SUSD5: variants seen among roughly 807,000 people sequenced by gnomAD.
SUSD5 encodes the protein sushi domain containing 5.
Under a neutral mutation model 29.5 loss-of-function variants are expected in SUSD5, and 33 were observed. That is an observed-to-expected ratio of 1.12 (90% CI 0.85 to 1.49). The LOEUF (loss-of-function observed/expected upper bound fraction) is 1.49. SUSD5 is among the 40% of genes most tolerant of loss of function. The probability of loss-of-function intolerance (pLI) is 0.00; values close to 1 mark genes in which losing one functional copy is unlikely to be tolerated. For synonymous variants in SUSD5, 308 were observed against 325.3 expected, an observed-to-expected ratio of 0.95 and a Z score of 0.57; for missense variants, 776 against 800.6, an observed-to-expected ratio of 0.97 and a Z score of 0.37.
chr3:33,214,581 G>A (rs2032391475), intron 1 of SUSD5, among the ~76,000 whole-genome samples: 1 of 152,000 alleles, frequency 6.6e-6, no homozygotes. Flanking sequence ...ATATTACCAG[G>A]CCCCTTTCAC....
At chr3:33,193,298 T>C (rs1249438581) in intron 3 of SUSD5, among the ~76,000 whole-genome samples, 1 of 152,146 alleles carries the variant, frequency 6.6e-6, no homozygotes, top group Non-Finnish European at 1.5e-5. Context: ...GAAGCATGCC[T>C]GGAGACTGGA....
chr3:33,153,625 G>A lies in SUSD5; in HGVS notation c.1007C>T (p.Thr336Ile). The A allele has an allele frequency of 6.2e-7, 1 of 1,613,990 alleles. No homozygotes were observed. The highest frequency in any genetic ancestry group is 8.5e-7 in the Non-Finnish European group (1 of 1,179,900). ...GVKLVPGEPE[T>I]KVIYGNTDGP... ...ATCAGTGTTGCCGTAGATCACCTTGGTTTCAGGTTCACCTGGGACCAATTT... is the reference window on the plus strand; with the variant it reads ...ATCAGTGTTGCCGTAGATCACCTTGATTTCAGGTTCACCTGGGACCAATTT... The change falls in exon 5 of 5, where the codon ACC (threonine) becomes ATC (isoleucine). Residue 336 changes from threonine (T) to isoleucine (I), a missense_variant. By Grantham distance (89) the Thr-to-Ile change is moderately conservative. Coordinates refer to ENST00000309558, the MANE Select transcript of SUSD5 (RefSeq NM_015551.2).
At chr3:33,206,644 C>T (rs2032225720) in intron 3 of SUSD5, among the ~76,000 whole-genome samples, 1 of 152,136 alleles carries the variant, frequency 6.6e-6, no homozygotes, top group African/African-American at 2.4e-5. Flanking sequence ...TTAGGGTTCA[C>T]CATGACTCTT....
chr3:33,152,641 G>A lies in SUSD5; in HGVS notation c.*101C>T. Reference sequence around the variant, plus strand: ...AACAAAGGGCTGAGGAAAAAATGATGAGCCTCAGTCCACCTGCGTCATGCT... The same window carrying A: ...AACAAAGGGCTGAGGAAAAAATGATAAGCCTCAGTCCACCTGCGTCATGCT... On this transcript the variant is annotated 3_prime_UTR_variant, in exon 5 of 5. Coordinates refer to ENST00000309558, the MANE Select transcript of SUSD5 (RefSeq NM_015551.2). The A allele has an allele frequency of 2.3e-6, 3 of 1,284,158 alleles. No homozygotes were observed. The highest frequency in any genetic ancestry group is 3.2e-6 in the Non-Finnish European group (3 of 944,306). 79.5% of individuals were successfully genotyped at this position (1,284,158 alleles called of 1,614,324 possible). A position where few individuals can be genotyped will look rare whatever the true frequency, so the allele number is the denominator to read the frequency against.
At position 33,203,095 on chromosome 3, in the gene SUSD5, T is replaced by C. The variant is rs2032150922; in HGVS notation, c.409+4713A>G. ...GCGGGAACCTCACAGCACAGCCTGT[T>C]CTCCTCTGCTTCTGCCAAGGCGCTG... On this transcript the variant is annotated intron_variant, in intron 3 of 4. Transcript: ENST00000309558. Among the ~76,000 whole-genome samples, 6 of 152,276 alleles carry C rather than the reference T, an allele frequency of 3.9e-5. No individual in the cohort carries two copies. In the South Asian group the frequency reaches 1.2e-3, roughly 32 times the overall value.
At position 33,156,783 on chromosome 3, in the gene SUSD5, G is replaced by C. The variant is rs137929804; in HGVS notation, c.599-2750C>G. On this transcript the variant is annotated intron_variant, in intron 4 of 4. Transcript: ENST00000309558. ...ATTTCTAAAGGCTGTTAGAGAATAA[G>C]ACTCTGTATCTTGCTTATTTAATGA... Among the ~76,000 whole-genome samples the C allele has an allele frequency of 3.5e-4, 54 of 152,298 alleles. No individual in the cohort carries two copies. The East Asian group carries it at 6.2e-3, about 17-fold the overall frequency.
chr3:33,191,287 G>A (rs556110356), intron 3 of SUSD5, among the ~76,000 whole-genome samples: 17 of 152,008 alleles, frequency 1.1e-4, no homozygotes, highest in African/African-American at 2.7e-4. Context: ...CTGCCACCAC[G>A]CCTGGCTAAT....
intron 4 of SUSD5, among the ~76,000 whole-genome samples, chr3:33,159,823 C>A (rs998601315): frequency 6.6e-6 from 1 of 151,978 alleles, no homozygotes; most frequent in African/African-American, 2.4e-5. Context: ...AGCAACCTCA[C>A]GAAAAGGGAA....
At chr3:33,158,517 A>G (rs1271157857) in intron 4 of SUSD5, among the ~76,000 whole-genome samples, 1 of 152,176 alleles carries the variant, frequency 6.6e-6, no homozygotes, top group African/African-American at 2.4e-5. Flanking sequence ...TTCAAGCAGA[A>G]TGGTGACCCC....
chr3:33,172,886 C>T (rs11712501), intron 4 of SUSD5, among the ~76,000 whole-genome samples: 50,838 of 151,886 alleles, frequency 0.33, 8,993 homozygotes, highest in Middle Eastern at 0.41. Context: ...CTAATGACTA[C>T]AAAAAATGTG....
chr3:33,175,900 C>T (rs989751025), intron 3 of SUSD5, among the ~76,000 whole-genome samples: 1 of 152,172 alleles, frequency 6.6e-6, no homozygotes, highest in Non-Finnish European at 1.5e-5. Flanking sequence ...CTCAGTGTTG[C>T]ACATTCTATG....
At chr3:33,214,609 C>T (rs1283559892) in intron 1 of SUSD5, among the ~76,000 whole-genome samples, 9 of 152,078 alleles carry the variant, frequency 5.9e-5, no homozygotes, top group Non-Finnish European at 2.9e-5. Context: ...TCATTTGTGT[C>T]TGCTGTACTT....
At chr3:33,218,649 G>A in intron 1 of SUSD5, 37 bp downstream of exon 1, 1 of 1,223,622 alleles carries the variant, frequency 8.2e-7, no homozygotes, top group East Asian at 3.2e-5. Flanking sequence ...CGGACCCCAC[G>A]CTCCACCCCC....
Position 33,151,116 on chromosome 3 carries a change from A to G in SUSD5, c.*1626T>C, listed in dbSNP as rs1271382319. Reference sequence around the variant, plus strand: ...CCTTTAGGGCTTCAGCTGGCCTCGAAGTTCACATTTGAGATTATTATAAAC... The same window carrying G: ...CCTTTAGGGCTTCAGCTGGCCTCGAGGTTCACATTTGAGATTATTATAAAC... On this transcript the variant is annotated 3_prime_UTR_variant, in exon 5 of 5. Coordinates refer to ENST00000309558, the MANE Select transcript of SUSD5 (RefSeq NM_015551.2). 1 of 152,188 alleles carries G rather than the reference A, an allele frequency of 6.6e-6. No homozygotes were observed. Among genetic ancestry groups the G allele is most frequent in the Non-Finnish European group, 1.5e-5 (1 of 68,036 alleles). The allele number at this position is 152,188 out of a possible 1,614,324, so 9.4% of individuals were successfully genotyped here.
chr3:33,166,917 GC>G (rs2031316162), intron 4 of SUSD5, among the ~76,000 whole-genome samples: 1 of 152,152 alleles, frequency 6.6e-6, no homozygotes, highest in African/African-American at 2.4e-5. Flanking sequence ...GGTGGCACAT[GC>G]CTGTAATCCC....
At chr3:33,163,948 C>T (rs989322391) in intron 4 of SUSD5, among the ~76,000 whole-genome samples, 4 of 152,044 alleles carry the variant, frequency 2.6e-5, no homozygotes, top group African/African-American at 7.2e-5. Context: ...TGCAGTGAGC[C>T]GAGATCGCAC....
At position 33,214,166 on chromosome 3, in the gene SUSD5, C is replaced by A. The variant is rs968341786; in HGVS notation, c.113-61G>T. 7.3e-6 allele frequency: 11 copies of A among 1,497,272 alleles called. No homozygotes were observed. In the African/African-American group the frequency reaches 1.5e-4, roughly 21 times the overall value. The allele number at this position is 1,497,272 out of a possible 1,614,324, so 92.7% of individuals were successfully genotyped here. A position where few individuals can be genotyped will look rare whatever the true frequency, so the allele number is the denominator to read the frequency against. ...AGGATCCATGGGAAGTTAGTCTCAG[C>A]AAACATCCTCTGGCAGACGCCAGTT... On this transcript the variant is annotated intron_variant, in intron 1 of 4. Transcript: ENST00000309558.
Position 33,218,722 on chromosome 3 carries a change from G to A in SUSD5, c.76C>T (p.Leu26=), listed in dbSNP as rs1402927540. 5.2e-6 allele frequency: 7 copies of A among 1,343,616 alleles called. No individual in the cohort carries two copies. Among genetic ancestry groups the A allele is most frequent in the Non-Finnish European group, 6.7e-6 (7 of 1,052,066 alleles). 83.2% of individuals were successfully genotyped at this position (1,343,616 alleles called of 1,614,324 possible). A position where few individuals can be genotyped will look rare whatever the true frequency, so the allele number is the denominator to read the frequency against. The change falls in exon 1 of 5, where the codon CTG becomes TTG. Residue 26 remains leucine, a synonymous_variant. Coordinates refer to ENST00000309558, the MANE Select transcript of SUSD5 (RefSeq NM_015551.2). ...LPGLWAAALL[L]LGLPRLSVRA... is the part of the protein sequence containing the mutation. Reference sequence around the variant, plus strand: ...ACCGAAAGGCGCGGCAGACCGAGCAGGAGCAGCGCCGCCGCCCAGAGCCCG... The same window carrying A: ...ACCGAAAGGCGCGGCAGACCGAGCAAGAGCAGCGCCGCCGCCCAGAGCCCG...
At chr3:33,208,265 G>C (rs767955568) in intron 2 of SUSD5, among the ~76,000 whole-genome samples, 1 of 151,988 alleles carries the variant, frequency 6.6e-6, no homozygotes, top group Non-Finnish European at 1.5e-5. Flanking sequence ...TTTAGTTCAT[G>C]AAACTTCAAC....
Sources: allele counts gnomAD v4.1 joint callset (sites outside exome capture counted in the v4.1 genomes callset), GRCh38; gene constraint gnomAD v4.1.1; transcripts MANE v1.5; gene names NCBI Gene and HGNC (gene_info 2026-07-23, HGNC 2026-07-21).